ADCY9: variants seen among roughly 807,000 people sequenced by gnomAD.
ADCY9 encodes the protein adenylate cyclase type 9.
In ADCY9, 50 loss-of-function variants were observed where a neutral mutation model predicts 101.5. That is an observed-to-expected ratio of 0.49 (90% CI 0.39 to 0.62). The LOEUF is 0.62. Among genes scored for constraint, ADCY9 ranks in the 20% least tolerant of loss-of-function variants. ADCY9 has a pLI of 0.00. For synonymous variants in ADCY9, 905 were observed against 769.3 expected, an observed-to-expected ratio of 1.18 and a Z score of -2.92; for missense variants, 1,662 against 1,800.4, an observed-to-expected ratio of 0.92 and a Z score of 1.39.
chr16:3,959,308 G>A (rs2055925253), downstream of ADCY9, among the ~76,000 whole-genome samples: 1 of 150,728 alleles, frequency 6.6e-6, no homozygotes, highest in African/African-American at 2.4e-5. Flanking sequence ...GTTGCAGTGA[G>A]CTGTGATTGA....
At chr16:3,997,092 T>C (rs2056293113) in intron 3 of ADCY9, among the ~76,000 whole-genome samples, 1 of 152,206 alleles carries the variant, frequency 6.6e-6, no homozygotes. Flanking sequence ...CTCGAACTCC[T>C]GGCCTCAAGT....
chr16:3,958,673 C>CTTTTT (rs1207846349), downstream of ADCY9, among the ~76,000 whole-genome samples: 2,628 of 102,936 alleles, frequency 0.026, 333 homozygotes, highest in African/African-American at 0.073. Context: ...TCGTCGGTTA[C>CTTTTT]TTTTTTTTTT....
intron 2 of ADCY9, among the ~76,000 whole-genome samples, chr16:4,049,602 A>C (rs1268210205): frequency 6.6e-6 from 1 of 152,158 alleles, no homozygotes. Flanking sequence ...AGGCAGAACA[A>C]TAAAAGTGAC....
intron 2 of ADCY9, among the ~76,000 whole-genome samples, chr16:4,033,841 G>C (rs1231858037): frequency 6.6e-6 from 1 of 152,190 alleles, no homozygotes; most frequent in Non-Finnish European, 1.5e-5. Flanking sequence ...GAGTCTGACA[G>C]ATTATGGCAA....
intron 6 of ADCY9, among the ~76,000 whole-genome samples, chr16:3,987,064 G>A (rs766628807): frequency 7.2e-5 from 11 of 152,222 alleles, no homozygotes; most frequent in African/African-American, 2.2e-4. Context: ...TATCTCTAAC[G>A]TTTGTGGGTG....
intron 2 of ADCY9, among the ~76,000 whole-genome samples, chr16:4,104,868 G>A (rs2057065967): frequency 6.6e-6 from 1 of 151,930 alleles, no homozygotes; most frequent in South Asian, 2.1e-4. Flanking sequence ...GCCGTGGGTC[G>A]GGCGCAGTGG....
At chr16:3,958,673 CTTTTTTTT>C (rs1207846349), downstream of ADCY9, among the ~76,000 whole-genome samples, 7 of 102,998 alleles carry the variant, frequency 6.8e-5, 1 homozygote, top group Non-Finnish European at 7.2e-5. Context: ...TCGTCGGTTA[CTTTTTTTT>C]TTTTTTTTTT....
chr16:4,083,158 T>A (rs926102161), intron 2 of ADCY9, among the ~76,000 whole-genome samples: 1 of 152,260 alleles, frequency 6.6e-6, no homozygotes, highest in Non-Finnish European at 1.5e-5. Context: ...ATGCGTTTTT[T>A]TGTTTGTTTG....
At chr16:4,007,684 G>A in intron 2 of ADCY9, 126 bp from the exon 3 acceptor site, 9 of 773,314 alleles carry the variant, frequency 1.2e-5, no homozygotes, top group Non-Finnish European at 1.8e-5. Context: ...ATGTGAATAG[G>A]TCATAGTTTA....
chr16:3,959,871 C>G (rs1486554378), downstream of ADCY9, among the ~76,000 whole-genome samples: 2 of 151,750 alleles, frequency 1.3e-5, no homozygotes, highest in African/African-American at 4.8e-5. Flanking sequence ...ATTAAAAATC[C>G]AAAATTTAGC....
intron 2 of ADCY9, among the ~76,000 whole-genome samples, chr16:4,086,763 G>A (rs368441910): frequency 2.1e-4 from 32 of 151,992 alleles, no homozygotes; most frequent in Admixed American, 1.5e-3. Flanking sequence ...GGGTTCAAAC[G>A]ATCCTCCTGC....
chr16:4,019,754 C>A (rs1005247127), intron 2 of ADCY9, among the ~76,000 whole-genome samples: 1 of 152,148 alleles, frequency 6.6e-6, no homozygotes, highest in Non-Finnish European at 1.5e-5. Context: ...GAGGTACTAG[C>A]CTCAAACAAG....
intron 2 of ADCY9, among the ~76,000 whole-genome samples, chr16:4,089,913 C>T (rs1358056620): frequency 6.6e-6 from 1 of 151,964 alleles, no homozygotes; most frequent in East Asian, 1.9e-4. Context: ...GAAAAGCCAA[C>T]CCCCCTTAAT....
chr16:4,113,336 G>A (rs950536060), intron 2 of ADCY9, among the ~76,000 whole-genome samples: 1 of 152,072 alleles, frequency 6.6e-6, no homozygotes, highest in African/African-American at 2.4e-5. Context: ...CCACGTTTTC[G>A]CAAAAAGGGC....
At chr16:4,000,258 T>C (rs2056320236) in intron 3 of ADCY9, among the ~76,000 whole-genome samples, 1 of 152,236 alleles carries the variant, frequency 6.6e-6, no homozygotes, top group Non-Finnish European at 1.5e-5. Flanking sequence ...GGTTCCATTT[T>C]ACAGATGAGG....
chr16:4,069,890 G>A (rs1366873725), intron 2 of ADCY9, among the ~76,000 whole-genome samples: 6 of 152,272 alleles, frequency 3.9e-5, no homozygotes, highest in Non-Finnish European at 2.9e-5. Flanking sequence ...GAGGGCAGGA[G>A]TTTGAGACCA....
At chr16:4,080,458 C>T (rs1020472118) in intron 2 of ADCY9, among the ~76,000 whole-genome samples, 2 of 151,982 alleles carry the variant, frequency 1.3e-5, no homozygotes, top group Non-Finnish European at 2.9e-5. Flanking sequence ...GGTTTTGCCA[C>T]GTTGGCCAGG....
chr16:4,006,384 T>C (rs1435395277), intron 3 of ADCY9, among the ~76,000 whole-genome samples: 1 of 152,172 alleles, frequency 6.6e-6, no homozygotes, highest in African/African-American at 2.4e-5. Flanking sequence ...CCGAGTGCAA[T>C]CATTACGTGT....
chr16:3,985,406 G>C (rs2238441), intron 6 of ADCY9, among the ~76,000 whole-genome samples: 29,300 of 152,140 alleles, frequency 0.19, 3,506 homozygotes, highest in East Asian at 0.43. Context: ...AAAGTGCTGG[G>C]ATTACAGGCC....
Sources: gnomAD v4.1 joint callset for allele counts (sites outside exome capture counted in the v4.1 genomes callset) on GRCh38, gnomAD v4.1.1 for gene constraint, MANE v1.5 for transcripts, NCBI Gene and HGNC (gene_info 2026-07-23, HGNC 2026-07-21) for gene names.